SRPK1: variants seen among roughly 807,000 people sequenced by gnomAD.
SRPK1 encodes SRSF protein kinase 1.
In SRPK1, 52 loss-of-function variants were observed where a neutral mutation model predicts 89.5. The observed-to-expected ratio is 0.58, with a 90% CI of 0.46 to 0.73. The LOEUF (loss-of-function observed/expected upper bound fraction) is 0.73, where lower values mean the gene tolerates loss of function less well. Ranked by LOEUF, SRPK1 falls within the 30% of genes least tolerant of loss-of-function variation. SRPK1 has a pLI of 0.00. For missense variants in SRPK1, 603 were observed against 780.6 expected (o/e 0.77, Z 2.71); for synonymous variants, 255 against 270.2 (o/e 0.94, Z 0.55).
At chr6:35,906,750 T>C (rs1270825046) in intron 2 of SRPK1, among the ~76,000 whole-genome samples, 1 of 152,176 alleles carries the variant, frequency 6.6e-6, no homozygotes, top group Non-Finnish European at 1.5e-5. Context: ...CAGTGATGTT[T>C]GTGCAACTCT....
chr6:35,857,380 A>T lies in SRPK1; in HGVS notation c.1513-12T>A. 2 of 1,577,856 alleles carry T rather than the reference A, an allele frequency of 1.3e-6. No individual in the cohort carries two copies. The highest frequency in any genetic ancestry group is 1.7e-6 in the Non-Finnish European group (2 of 1,154,438). On this transcript the variant is annotated splice_polypyrimidine_tract_variant and intron_variant, in intron 12 of 15. Transcript: ENST00000373825. Reference sequence around the variant, plus strand: ...GTGAAATGTTTGTGCTGAGAAAATGAAGGAAACAATATTTTAAACTTCATT... The same window carrying T: ...GTGAAATGTTTGTGCTGAGAAAATGTAGGAAACAATATTTTAAACTTCATT...
At chr6:35,885,956 T>C (rs1337544242) in intron 6 of SRPK1, among the ~76,000 whole-genome samples, 1 of 152,194 alleles carries the variant, frequency 6.6e-6, no homozygotes, top group African/African-American at 2.4e-5. Context: ...AAACATAAAC[T>C]ACATTCACAG....
At chr6:35,920,399 C>A (rs769567708) in intron 2 of SRPK1, 69 bp downstream of exon 2, 1 of 1,571,200 alleles carries the variant, frequency 6.4e-7, no homozygotes, top group South Asian at 1.1e-5. Context: ...ACGTTCAAGA[C>A]GTGAAACCAG....
intron 6 of SRPK1, among the ~76,000 whole-genome samples, chr6:35,883,921 G>A (rs1252775622): frequency 6.6e-6 from 1 of 151,894 alleles, no homozygotes; most frequent in Admixed American, 6.6e-5. Context: ...TTTTAGTAGA[G>A]ATGAGGTTTC....
At chr6:35,880,734 AG>A (rs1352870195) in intron 6 of SRPK1, among the ~76,000 whole-genome samples, 5,678 of 55,970 alleles carry the variant, frequency 0.1, 683 homozygotes, top group South Asian at 0.15. Flanking sequence ...AAAAAAAAAA[AG>A]AAAAAAAAAA....
chr6:35,842,593 C>T lies in SRPK1; in HGVS notation c.1632G>A (p.Leu544=). 1.2e-6 allele frequency: 2 copies of T among 1,609,674 alleles called. No homozygotes were observed. The highest frequency in any genetic ancestry group is 1.7e-6 in the Non-Finnish European group (2 of 1,178,280). ...GTTCAAACAAATAGTCACCTGTGGCCAGTTCAAAGGCCTAAAAAAAAAAGA... is the reference window on the plus strand; with the variant it reads ...GTTCAAACAAATAGTCACCTGTGGCTAGTTCAAAGGCCTAAAAAAAAAAGA... ...IWSTACMAFE[L]ATGDYLFEPH... The change falls in exon 14 of 16, where the codon CTG becomes CTA. Residue 544 remains leucine (L), a synonymous_variant. Coordinates refer to ENST00000373825, the MANE Select transcript of SRPK1 (RefSeq NM_003137.5).
chr6:35,917,876 C>G (rs1229616596), intron 2 of SRPK1, among the ~76,000 whole-genome samples: 1 of 152,152 alleles, frequency 6.6e-6, no homozygotes, highest in Non-Finnish European at 1.5e-5. Flanking sequence ...AGACTGTTTC[C>G]TTAACTAACT....
chr6:35,840,016 A>G (rs1034991774), intron 14 of SRPK1, among the ~76,000 whole-genome samples: 7 of 152,076 alleles, frequency 4.6e-5, no homozygotes, highest in African/African-American at 1.7e-4. Flanking sequence ...CATGTTGCCC[A>G]GGCTGGTCTC....
At chr6:35,888,750 G>A in intron 4 of SRPK1, 65 bp downstream of exon 4, 1 of 1,065,450 alleles carries the variant, frequency 9.4e-7, no homozygotes, top group South Asian at 1.3e-5. Context: ...ATCAGCAGTG[G>A]AAACTCAGAC....
chr6:35,889,809 C>CA (rs1181556584), intron 3 of SRPK1, among the ~76,000 whole-genome samples: 3 of 140,282 alleles, frequency 2.1e-5, no homozygotes. Flanking sequence ...AAACAAAAAA[C>CA]AAAAAACGGC....
chr6:35,915,732 G>C (rs768753851), intron 2 of SRPK1, among the ~76,000 whole-genome samples: 1 of 151,972 alleles, frequency 6.6e-6, no homozygotes, highest in African/African-American at 2.4e-5. Flanking sequence ...TAGCACTTTG[G>C]GAGGCCGAGG....
At chr6:35,909,587 C>G (rs1169992071) in intron 2 of SRPK1, among the ~76,000 whole-genome samples, 2 of 152,110 alleles carry the variant, frequency 1.3e-5, no homozygotes, top group Non-Finnish European at 2.9e-5. Context: ...TGGGAGGGGC[C>G]AAGAGTGAAA....
chr6:35,838,754 G>C (rs754895145), intron 14 of SRPK1: 1 of 1,398,486 alleles, frequency 7.2e-7, no homozygotes, highest in South Asian at 1.1e-5. Flanking sequence ...AGGGAAAAGC[G>C]TCTTGGAATT....
chr6:35,881,727 T>C (rs983417335), intron 6 of SRPK1, among the ~76,000 whole-genome samples: 5 of 151,986 alleles, frequency 3.3e-5, no homozygotes, highest in Non-Finnish European at 5.9e-5. Context: ...GACATTTACA[T>C]ACTTATTAAA....
intron 3 of SRPK1, among the ~76,000 whole-genome samples, chr6:35,890,057 G>A (rs1236639134): frequency 1.3e-5 from 2 of 151,984 alleles, no homozygotes; most frequent in Non-Finnish European, 2.9e-5. Flanking sequence ...GCAGTGAGCC[G>A]AGATCGCGCC....
intron 6 of SRPK1, among the ~76,000 whole-genome samples, chr6:35,875,478 T>G (rs975158508): frequency 1.3e-5 from 2 of 152,136 alleles, no homozygotes; most frequent in Admixed American, 6.5e-5. Flanking sequence ...CCTCCCAAAG[T>G]GCTGGGATTA....
chr6:35,897,884 G>A (rs1770656748), intron 2 of SRPK1, among the ~76,000 whole-genome samples: 1 of 152,182 alleles, frequency 6.6e-6, no homozygotes, highest in Non-Finnish European at 1.5e-5. Flanking sequence ...TGTCCAACAA[G>A]AGGTGGGTTG....
intron 2 of SRPK1, among the ~76,000 whole-genome samples, chr6:35,907,198 A>G (rs1770865621): frequency 6.6e-6 from 1 of 152,192 alleles, no homozygotes; most frequent in African/African-American, 2.4e-5. Flanking sequence ...CTTACAGAGT[A>G]AAAGACTAGA....
intron 6 of SRPK1, among the ~76,000 whole-genome samples, chr6:35,877,267 A>G (rs1048818124): frequency 6.6e-6 from 1 of 152,210 alleles, no homozygotes; most frequent in Non-Finnish European, 1.5e-5. Flanking sequence ...TCATAAAAGT[A>G]AAATCTAAAA....
Sources: allele counts gnomAD v4.1 joint callset (sites outside exome capture counted in the v4.1 genomes callset), GRCh38; gene constraint gnomAD v4.1.1; transcripts MANE v1.5; gene names NCBI Gene and HGNC (gene_info 2026-07-23, HGNC 2026-07-21).